Variants in NMNAT1 observed in about 807,000 individuals in gnomAD.
The protein encoded by NMNAT1 is nicotinamide/nicotinic acid mononucleotide adenylyltransferase 1.
In NMNAT1, 11 loss-of-function variants were observed where a neutral mutation model predicts 16.7. The ratio of observed to expected loss-of-function variants is 0.66; its 90% CI spans 0.41 to 1.09. NMNAT1 has a LOEUF of 1.09. Among genes scored for constraint, NMNAT1 ranks in the 50% least tolerant of loss-of-function variants. NMNAT1 has a pLI of 0.00. For missense variants in NMNAT1, 280 were observed against 332.3 expected, an observed-to-expected ratio of 0.84 and a Z score of 1.22; for synonymous variants, 110 against 119.8, an observed-to-expected ratio of 0.92 and a Z score of 0.53.
In NMNAT1 at chr1:9,982,354, G is replaced by A. The variant is rs202057799; in HGVS notation, c.493G>A (p.Val165Ile). ...GGCAGATTTATTGGAGTCCTTTGCT[G>A]TTCCCAATTTGTGGAAGAGTGAAGA... is the stretch of plus-strand genomic sequence containing the variant. ...CGADLLESFA[V>I]PNLWKSEDIT... Residue 165 changes from valine (V) to isoleucine (I), a missense_variant, in exon 5 of 5, where the codon GTT (valine) becomes ATT (isoleucine). By Grantham distance (29) the Val-to-Ile change is conservative. Transcript: ENST00000377205. 392 of 1,614,154 alleles carry A rather than the reference G, an allele frequency of 2.4e-4. 1 individual carries two copies. Among genetic ancestry groups the A allele is most frequent in the South Asian group, 1.8e-3 (162 of 91,076 alleles).
chr1:9,963,202 A>C (rs1367022083), intron 1 of NMNAT1, among the ~76,000 whole-genome samples: 1 of 152,034 alleles, frequency 6.6e-6, no homozygotes, highest in African/African-American at 2.4e-5. Context: ...CCTAAATTCT[A>C]GTCCTGATGT....
In NMNAT1 at chr1:9,975,875, A is replaced by G. The variant is rs921287358; in HGVS notation, c.299+100A>G. 3 of 997,724 alleles carry G rather than the reference A, an allele frequency of 3.0e-6. No homozygotes were observed. The African/African-American group carries it at 4.9e-5, about 16-fold the overall frequency. 61.8% of individuals were successfully genotyped at this position (997,724 alleles called of 1,614,324 possible). A position where few individuals can be genotyped will look rare whatever the true frequency, so the allele number is the denominator to read the frequency against. On this transcript the variant is annotated intron_variant, in intron 3 of 4. Transcript: ENST00000377205. Reference sequence around the variant, plus strand: ...GTTGCTTACATCTGTGAACATACAGATTTGCAAAACTGTCACGTGTGTTGT... The same window carrying G: ...GTTGCTTACATCTGTGAACATACAGGTTTGCAAAACTGTCACGTGTGTTGT...
intron 1 of NMNAT1, among the ~76,000 whole-genome samples, chr1:9,963,342 C>T (rs1034126894): frequency 3.3e-5 from 5 of 152,108 alleles, no homozygotes; most frequent in Admixed American, 3.3e-4. Flanking sequence ...TCAGTATTGC[C>T]AAGTCTTAGA....
Position 9,984,229 on chromosome 1 carries a change from T to A in NMNAT1, c.*1528T>A, listed in dbSNP as rs143912587. 813 of 152,236 alleles carry A rather than the reference T, an allele frequency of 5.3e-3. 2 individuals are homozygous for A. The highest frequency in any genetic ancestry group is 8.0e-3 in the Admixed American group (122 of 15,270). The allele number at this position is 152,236 out of a possible 1,614,324, so 9.4% of individuals were successfully genotyped here. On this transcript the variant is annotated 3_prime_UTR_variant, in exon 5 of 5. Coordinates refer to ENST00000377205, the MANE Select transcript of NMNAT1 (RefSeq NM_022787.4). ...TGTCCGGCTAATTTTGTATTTTTAG[T>A]AGAGATGGGGTTTCGCCATGTTAGA...
At chr1:9,995,942 T>C in the NMNAT1 span, among the ~76,000 whole-genome samples, 1 of 151,624 alleles carries the variant, frequency 6.6e-6, no homozygotes, top group East Asian at 2.0e-4. Flanking sequence ...GGCAGGAGAA[T>C]CACTTGAACC....
At chr1:9,962,269 T>G (rs1017077014) in intron 1 of NMNAT1, among the ~76,000 whole-genome samples, 1 of 151,254 alleles carries the variant, frequency 6.6e-6, no homozygotes, top group Non-Finnish European at 1.5e-5. Flanking sequence ...GATCACGAGG[T>G]CAGGAGATTG....
At chr1:9,953,838 C>T (rs1342689262) in intron 1 of NMNAT1, among the ~76,000 whole-genome samples, 7 of 119,858 alleles carry the variant, frequency 5.8e-5, no homozygotes, top group Middle Eastern at 9.3e-3. Context: ...CAGAGTCTTG[C>T]TCTCTTGCCC....
At chr1:9,965,144 C>A (rs1641512450) in intron 1 of NMNAT1, among the ~76,000 whole-genome samples, 1 of 151,366 alleles carries the variant, frequency 6.6e-6, no homozygotes, top group South Asian at 2.1e-4. Flanking sequence ...TGGTGAAACC[C>A]TGTCTCTACT....
rs768346864 is a variant in NMNAT1, at chr1:9,975,754, AAG to A, written c.282_283del (p.Glu94AspfsTer15). 6.2e-7 allele frequency: 1 copy of A among 1,613,522 alleles called. No homozygotes were observed. On this transcript the variant is annotated frameshift_variant, in exon 3 of 5. Coordinates refer to ENST00000377205, the MANE Select transcript of NMNAT1 (RefSeq NM_022787.4). LOFTEE classifies it high-confidence loss of function. ...TGGGAAAGTCTTCAGAAGGAGTGGA[AAG>A]AGACTCTGAAGGTGCTAAGGTATTT... is the stretch of plus-strand genomic sequence containing the variant.
chr1:9,969,549 C>A (rs1158841597), intron 1 of NMNAT1, among the ~76,000 whole-genome samples: 1 of 152,058 alleles, frequency 6.6e-6, no homozygotes, highest in Non-Finnish European at 1.5e-5. Flanking sequence ...GCCAGGAGTT[C>A]GAGACCAGCC....
At chr1:9,992,634 G>A in the NMNAT1 span, among the ~76,000 whole-genome samples, 1 of 152,006 alleles carries the variant, frequency 6.6e-6, no homozygotes, top group Non-Finnish European at 1.5e-5. Context: ...CCCTATGGCC[G>A]GGCGTGGTGG....
chr1:9,959,512 C>T (rs1277538288), intron 1 of NMNAT1, among the ~76,000 whole-genome samples: 2 of 151,244 alleles, frequency 1.3e-5, no homozygotes, highest in African/African-American at 4.9e-5. Flanking sequence ...GAAACCCCAT[C>T]TCTACTAAAA....
the NMNAT1 span, among the ~76,000 whole-genome samples, chr1:9,992,712 C>G: frequency 6.6e-6 from 1 of 151,840 alleles, no homozygotes; most frequent in South Asian, 2.1e-4. Context: ...GAGATCGAGA[C>G]CTTCCTGGCT....
Position 9,975,637 on chromosome 1 carries a change from C to T in NMNAT1, c.161C>T (p.Ala54Val), listed in dbSNP as rs760965874. ...VKGIISPVGD[A>V]YKKKGLIPAY... ...GGCATCATCTCTCCTGTTGGTGATG[C>T]CTACAAGAAGAAAGGACTCATTCCT... Residue 54 changes from alanine (A) to valine (V), a missense_variant, in exon 3 of 5, where the codon GCC (alanine) becomes GTC (valine). Coordinates refer to ENST00000377205, the MANE Select transcript of NMNAT1 (RefSeq NM_022787.4). The T allele has an allele frequency of 1.8e-5, 29 of 1,613,684 alleles. No homozygotes were observed. The highest frequency in any genetic ancestry group is 2.3e-5 in the Non-Finnish European group (27 of 1,179,910).
At chr1:9,990,323 T>C (rs1225177046), downstream of NMNAT1, among the ~76,000 whole-genome samples, 2 of 152,210 alleles carry the variant, frequency 1.3e-5, no homozygotes, top group South Asian at 2.1e-4. Context: ...GTCTTAAATC[T>C]AGTGCCCTTG....
chr1:9,982,502 A>G lies in NMNAT1; in HGVS notation c.641A>G (p.Asn214Ser), dbSNP rs372079460. The G allele has an allele frequency of 1.2e-6, 2 of 1,614,066 alleles. No individual in the cohort carries two copies. Among genetic ancestry groups the G allele is most frequent in the African/African-American group, 2.7e-5 (2 of 74,948 alleles). ...CACCGGAGCAACATTCACGTGGTGA[A>G]TGAATGGATCGCTAATGACATCTCA... ...WKHRSNIHVV[N>S]EWIANDISST... The change falls in exon 5 of 5, where the codon AAT (asparagine) becomes AGT (serine). Residue 214 changes from asparagine to serine, a missense_variant. By Grantham distance (46) the Asn-to-Ser change is conservative. Coordinates refer to ENST00000377205, the MANE Select transcript of NMNAT1 (RefSeq NM_022787.4).
At position 9,982,649 on chromosome 1, in the gene NMNAT1, C is replaced by T. The variant is rs149329497; in HGVS notation, c.788C>T (p.Ala263Val). Residue 263 changes from alanine (A) to valine (V), a missense_variant, in exon 5 of 5, where the codon GCT (alanine) becomes GTT (valine). By Grantham distance (64) the Ala-to-Val change is moderately conservative. Coordinates refer to ENST00000377205, the MANE Select transcript of NMNAT1 (RefSeq NM_022787.4). ...LYSSESEDRN[A>V]GVILAPLQRN... ...AGCTCTGAGAGTGAAGACAGGAATGCTGGGGTCATCCTGGCCCCTTTGCAG... is the reference window on the plus strand; with the variant it reads ...AGCTCTGAGAGTGAAGACAGGAATGTTGGGGTCATCCTGGCCCCTTTGCAG... The T allele has an allele frequency of 6.2e-7, 1 of 1,614,022 alleles. No individual in the cohort carries two copies. Among genetic ancestry groups the T allele is most frequent in the Non-Finnish European group, 8.5e-7 (1 of 1,179,932 alleles).
At chr1:9,978,657 C>T (rs1314710963) in intron 3 of NMNAT1, among the ~76,000 whole-genome samples, 3 of 152,212 alleles carry the variant, frequency 2.0e-5, no homozygotes, top group Non-Finnish European at 4.4e-5. Context: ...CACAGCCCTA[C>T]CCGACCCTCT....
intron 2 of NMNAT1, among the ~76,000 whole-genome samples, chr1:9,975,201 T>C (rs926449126): frequency 6.6e-6 from 1 of 152,080 alleles, no homozygotes; most frequent in Non-Finnish European, 1.5e-5. Context: ...AGAGAATCTG[T>C]GATTATAAAA....
Sources: gnomAD v4.1 joint callset for allele counts (sites outside exome capture counted in the v4.1 genomes callset) on GRCh38, gnomAD v4.1.1 for gene constraint, MANE v1.5 for transcripts, NCBI Gene and HGNC (gene_info 2026-07-23, HGNC 2026-07-21) for gene names.